Variants in ADARB1 observed in about 807,000 individuals in gnomAD.
ADARB1 encodes the protein double-stranded RNA-specific editase 1.
A neutral mutation model predicts 52.4 loss-of-function variants in ADARB1; 10 were observed. The ratio of observed to expected loss-of-function variants is 0.19; its 90% CI spans 0.12 to 0.32. The LOEUF is 0.32. Among genes scored for constraint, ADARB1 ranks in the 10% least tolerant of loss-of-function variants. The pLI is 1.00. For synonymous variants in ADARB1, 349 were observed against 371.1 expected (o/e 0.94, Z 0.68); for missense variants, 643 against 922.3 (o/e 0.70, Z 3.92).
intron 2 of ADARB1, chr21:45,132,365 G>T (rs976633423): frequency 2.6e-5 from 4 of 152,214 alleles, no homozygotes; most frequent in Non-Finnish European, 1.5e-5. Context: ...TTTTCCAGTA[G>T]CCTCTGTCAT....
At chr21:45,160,952 T>C (rs2090931238) in intron 2 of ADARB1, among the ~76,000 whole-genome samples, 1 of 152,272 alleles carries the variant, frequency 6.6e-6, no homozygotes, top group Non-Finnish European at 1.5e-5. Flanking sequence ...GTAATTCTTC[T>C]GAGAGTATAA....
At chr21:45,170,911 C>T (rs2091454474) in intron 2 of ADARB1, among the ~76,000 whole-genome samples, 1 of 152,124 alleles carries the variant, frequency 6.6e-6, no homozygotes, top group Non-Finnish European at 1.5e-5. Context: ...GTTTCTCCTG[C>T]CAACAAAATA....
chr21:45,137,839 A>C (rs1463635267), intron 2 of ADARB1, among the ~76,000 whole-genome samples: 1 of 151,984 alleles, frequency 6.6e-6, no homozygotes, highest in Non-Finnish European at 1.5e-5. Flanking sequence ...TTTGTTTTCC[A>C]GGGAGATGGC....
chr21:45,144,398 G>T (rs1183744355), intron 2 of ADARB1, among the ~76,000 whole-genome samples: 3 of 152,304 alleles, frequency 2.0e-5, no homozygotes, highest in South Asian at 2.1e-4. Context: ...CATTCTCCTA[G>T]AATTAAACAG....
chr21:45,182,507 GAGTC>G (rs2091964130), intron 5 of ADARB1, 74 bp from the exon 6 acceptor site: 2 of 1,472,342 alleles, frequency 1.4e-6, no homozygotes, highest in Admixed American at 2.4e-5. Flanking sequence ...CTGAGAATAA[GAGTC>G]AGACTTCAGG....
At chr21:45,210,307 T>C (rs1214136831) in intron 9 of ADARB1, among the ~76,000 whole-genome samples, 1 of 152,210 alleles carries the variant, frequency 6.6e-6, no homozygotes, top group East Asian at 1.9e-4. Flanking sequence ...GGATGGACAC[T>C]GTTGTTACGG....
chr21:45,125,145 A>G (rs2088495886), intron 1 of ADARB1, among the ~76,000 whole-genome samples: 2 of 152,134 alleles, frequency 1.3e-5, no homozygotes, highest in African/African-American at 2.4e-5. Context: ...CTAAGCTTAC[A>G]AGCTTTTTGG....
Position 45,204,645 on chromosome 21 carries a change from C to T in ADARB1, c.1656C>T (p.His552=), listed in dbSNP as rs370522638. 132 of 1,614,058 alleles carry T rather than the reference C, an allele frequency of 8.2e-5. 1 individual carries two copies. In the South Asian group the frequency reaches 1.0e-3, roughly 12 times the overall value. ...FSSIILGSLY[H]GDHLSRAMYQ... is the part of the protein sequence containing the mutation. Reference sequence around the variant, plus strand: ...GCATCATCCTGGGCAGCCTTTACCACGGGGACCACCTTTCCAGGGCCATGT... The same window carrying T: ...GCATCATCCTGGGCAGCCTTTACCATGGGGACCACCTTTCCAGGGCCATGT... The change falls in exon 9 of 11, where the codon CAC becomes CAT. Residue 552 remains histidine (H), a synonymous_variant. Transcript: ENST00000348831. The surrounding 1 kb of genome is among the most constrained non-coding windows in gnomAD (Gnocchi z 4.4).
chr21:45,219,486 A>G (rs1162338790), intron 9 of ADARB1, among the ~76,000 whole-genome samples: 2 of 152,290 alleles, frequency 1.3e-5, no homozygotes, highest in East Asian at 3.9e-4. Context: ...ATCGCACCAC[A>G]CACTCCAGCC....
chr21:45,174,090 T>TCACAACTTTTCAGTTTGCTTAA (rs2072198567), intron 3 of ADARB1, among the ~76,000 whole-genome samples: 1 of 152,206 alleles, frequency 6.6e-6, no homozygotes, highest in South Asian at 2.1e-4. Context: ...ATGAATATTT[T>TCACAACTTTTCAGTTTGCTTAA]CACAACTTTT....
intron 1 of ADARB1, chr21:45,117,182 T>C (rs2087875618): frequency 6.6e-6 from 1 of 152,272 alleles, no homozygotes. Flanking sequence ...GGAGCAGTTC[T>C]ATCAGATGCT....
In ADARB1 at chr21:45,175,792, A is replaced by G. The variant is rs749061640; in HGVS notation, c.91A>G (p.Ser31Gly). 6.2e-7 allele frequency: 1 copy of G among 1,614,206 alleles called. No individual in the cohort carries two copies. Among genetic ancestry groups the G allele is most frequent in the Non-Finnish European group, 8.5e-7 (1 of 1,180,038 alleles). ...NLDNVSPKDG[S>G]TPGPGEGSQL... ...GGACAACGTGTCCCCCAAGGATGGC[A>G]GCACACCTGGGCCTGGCGAGGGCTC... The change falls in exon 4 of 11, where the codon AGC becomes GGC. Residue 31 changes from serine (S) to glycine (G), a missense_variant. Ser to Gly is a moderately conservative substitution (Grantham distance 56). This residue lies in a region of ADARB1 where 380 missense variants were observed against 446.5 expected (regional missense o/e 0.85). Coordinates refer to ENST00000348831, the MANE Select transcript of ADARB1 (RefSeq NM_001112.4).
At chr21:45,195,288 G>A (rs2092399913) in intron 8 of ADARB1, among the ~76,000 whole-genome samples, 1 of 151,956 alleles carries the variant, frequency 6.6e-6, no homozygotes, top group Non-Finnish European at 1.5e-5. Flanking sequence ...AGAGTTTTTT[G>A]TATATTTGGA....
At chr21:45,171,280 G>C (rs553498031) in intron 2 of ADARB1, among the ~76,000 whole-genome samples, 31 of 152,340 alleles carry the variant, frequency 2.0e-4, no homozygotes, top group Admixed American at 9.1e-4. Flanking sequence ...CCTCCTCAGA[G>C]TGGTGTGAGG....
At chr21:45,101,484 T>G (rs1003443278) in intron 1 of ADARB1, among the ~76,000 whole-genome samples, 1 of 152,252 alleles carries the variant, frequency 6.6e-6, no homozygotes, top group African/African-American at 2.4e-5. Context: ...TTTTAGAGGC[T>G]TTGACGTTAT....
At chr21:45,173,612 A>G (rs1343488155) in intron 3 of ADARB1, among the ~76,000 whole-genome samples, 1 of 151,552 alleles carries the variant, frequency 6.6e-6, no homozygotes, top group Non-Finnish European at 1.5e-5. Context: ...ATTTATAATG[A>G]TTTGATTTTT....
chr21:45,195,517 C>G (rs1373715692), intron 8 of ADARB1, among the ~76,000 whole-genome samples: 1 of 152,178 alleles, frequency 6.6e-6, no homozygotes, highest in African/African-American at 2.4e-5. Flanking sequence ...GTGTTATCTT[C>G]TAGGAATTTT....
chr21:45,118,770 G>A (rs2087974941), intron 1 of ADARB1, among the ~76,000 whole-genome samples: 1 of 152,136 alleles, frequency 6.6e-6, no homozygotes, highest in Non-Finnish European at 1.5e-5. Flanking sequence ...GCTTTCTTTG[G>A]AGAGCGATTC....
At chr21:45,098,911 C>G (rs1041850994) in intron 1 of ADARB1, among the ~76,000 whole-genome samples, 1 of 152,204 alleles carries the variant, frequency 6.6e-6, no homozygotes, top group African/African-American at 2.4e-5. Flanking sequence ...GCCTCTGCCT[C>G]AGAATTGGGG....
Sources: gnomAD v4.1 joint callset for allele counts (sites outside exome capture counted in the v4.1 genomes callset) on GRCh38, gnomAD v4.1.1 for gene constraint, gnomAD v4.1.1 regional missense constraint, Gnocchi (gnomAD v3.1) non-coding constraint, MANE v1.5 for transcripts, NCBI Gene and HGNC (gene_info 2026-07-23, HGNC 2026-07-21) for gene names.